The following RTF2 variants were observed in gnomAD, a reference collection of about 807,000 sequenced individuals.
The protein encoded by RTF2 is replication termination factor 2, also known as UPF0549 protein C20orf43.
In RTF2, 18 loss-of-function variants were observed where a neutral mutation model predicts 38.0. The observed-to-expected ratio is 0.47, with a 90% CI of 0.33 to 0.70. RTF2 has a LOEUF of 0.70. RTF2 is among the 30% of genes least tolerant of loss of function. RTF2 has a pLI of 0.02. For missense variants in RTF2, 311 were observed against 379.6 expected, an observed-to-expected ratio of 0.82 and a Z score of 1.50; for synonymous variants, 126 against 137.1, an observed-to-expected ratio of 0.92 and a Z score of 0.57.
Position 56,468,652 on chromosome 20 carries a change from G to A in RTF2, c.-46G>A. 3.3e-6 allele frequency: 5 copies of A among 1,526,924 alleles called. No homozygotes were observed. Among genetic ancestry groups the A allele is most frequent in the Non-Finnish European group, 4.4e-6 (5 of 1,124,944 alleles). The allele number at this position is 1,526,924 out of a possible 1,614,324, so 94.6% of individuals were successfully genotyped here. ...GCGGATTTCGCCGGAAATCCCGGAA[G>A]TGACAGCTTTGGGGGTTTGCTGCTG... On this transcript the variant is annotated 5_prime_UTR_variant, in exon 1 of 9. In the 5' UTR this introduces an upstream ATG that the reference lacks. Transcript: ENST00000357348.
rs573408126 is a variant in RTF2 at position 56,501,807 on chromosome 20, G to A, written c.478-11508G>A. Among the ~76,000 whole-genome samples, 4 of 152,270 alleles carry A rather than the reference G, an allele frequency of 2.6e-5. No individual in the cohort carries two copies. In the South Asian group the frequency reaches 6.2e-4, roughly 24 times the overall value. On this transcript the variant is annotated intron_variant, in intron 5 of 8. Coordinates refer to ENST00000357348, the MANE Select transcript of RTF2 (RefSeq NM_016407.5). ...CATTTGAGCCAGGGAGGTTGAGGCTGTAGTGAGCCGTGATCATGCCCACTG... is the reference window on the plus strand; with the variant it reads ...CATTTGAGCCAGGGAGGTTGAGGCTATAGTGAGCCGTGATCATGCCCACTG...
intron 5 of RTF2, chr20:56,491,635 C>A: frequency 6.4e-7 from 1 of 1,551,976 alleles, no homozygotes. Context: ...CTGCCTGCCT[C>A]AGCACTTGAA....
At chr20:56,512,145 T>G (rs896842646) in intron 5 of RTF2, among the ~76,000 whole-genome samples, 1 of 151,748 alleles carries the variant, frequency 6.6e-6, no homozygotes, top group Admixed American at 6.6e-5. Context: ...CCGCGCCCAG[T>G]CTTAGACCCC....
At chr20:56,479,336 C>T (rs1021346419) in intron 4 of RTF2, among the ~76,000 whole-genome samples, 2 of 152,276 alleles carry the variant, frequency 1.3e-5, no homozygotes, top group Non-Finnish European at 1.5e-5. Flanking sequence ...AGTAATTCTG[C>T]TGCCTCAGCG....
chr20:56,500,538 T>C (rs1457439207), intron 5 of RTF2, among the ~76,000 whole-genome samples: 3 of 152,330 alleles, frequency 2.0e-5, no homozygotes, highest in African/African-American at 7.2e-5. Context: ...GTAGCCATTG[T>C]CCTTTGGGAA....
intron 5 of RTF2, among the ~76,000 whole-genome samples, chr20:56,511,660 A>G (rs1269729993): frequency 6.6e-6 from 1 of 152,040 alleles, no homozygotes; most frequent in African/African-American, 2.4e-5. Flanking sequence ...TGTGTACTGT[A>G]TGATGCTTGC....
At chr20:56,480,125 G>T (rs1982458334) in intron 4 of RTF2, among the ~76,000 whole-genome samples, 1 of 152,108 alleles carries the variant, frequency 6.6e-6, no homozygotes, top group African/African-American at 2.4e-5. Flanking sequence ...TTTCAACACA[G>T]GGCTATTTTA....
chr20:56,478,042 T>A (rs932484982), intron 4 of RTF2, among the ~76,000 whole-genome samples: 1 of 152,220 alleles, frequency 6.6e-6, no homozygotes, highest in Non-Finnish European at 1.5e-5. Context: ...TCATAGGATG[T>A]CTCACTAAGC....
At chr20:56,500,303 C>T (rs1038774291) in intron 5 of RTF2, among the ~76,000 whole-genome samples, 2 of 152,218 alleles carry the variant, frequency 1.3e-5, no homozygotes, top group South Asian at 2.1e-4. Flanking sequence ...ATCCACCTGC[C>T]TCAGCCTCCC....
intron 5 of RTF2, among the ~76,000 whole-genome samples, chr20:56,490,320 C>T (rs1318955444): frequency 6.6e-6 from 1 of 152,220 alleles, no homozygotes; most frequent in East Asian, 1.9e-4. Context: ...TTGTCACGCA[C>T]TTCAGTTTCA....
intron 5 of RTF2, among the ~76,000 whole-genome samples, chr20:56,492,495 G>A (rs1020556706): frequency 2.7e-5 from 4 of 150,864 alleles, no homozygotes; most frequent in Middle Eastern, 3.4e-3. Context: ...CGAGGCGGGA[G>A]AATGACTTGA....
At chr20:56,485,298 A>G (rs1982734844) in intron 5 of RTF2, among the ~76,000 whole-genome samples, 2 of 152,230 alleles carry the variant, frequency 1.3e-5, no homozygotes, top group South Asian at 2.1e-4. Context: ...CAGCATGTGC[A>G]AAAGCTCAGA....
At chr20:56,513,066 C>A (rs1984787315) in intron 5 of RTF2, among the ~76,000 whole-genome samples, 4 of 152,180 alleles carry the variant, frequency 2.6e-5, no homozygotes, top group Admixed American at 2.6e-4. Context: ...TGGCGGGAAC[C>A]CTCCCAAAAT....
intron 5 of RTF2, among the ~76,000 whole-genome samples, chr20:56,490,467 T>C (rs914928418): frequency 1.3e-5 from 2 of 152,220 alleles, no homozygotes; most frequent in Non-Finnish European, 2.9e-5. Context: ...TGGCCATTCA[T>C]GTCTCAGATC....
intron 1 of RTF2, 29 bp from the exon 2 acceptor site, chr20:56,473,272 A>G (rs771545577): frequency 6.6e-7 from 1 of 1,513,434 alleles, no homozygotes; most frequent in South Asian, 1.1e-5. Context: ...CAGAGTTGAA[A>G]ATTAATTGAA....
chr20:56,490,959 A>G (rs1983088186), intron 5 of RTF2, among the ~76,000 whole-genome samples: 1 of 152,232 alleles, frequency 6.6e-6, no homozygotes, highest in South Asian at 2.1e-4. Flanking sequence ...TCAGCTGTGG[A>G]ATGTCCACCA....
intron 5 of RTF2, among the ~76,000 whole-genome samples, chr20:56,510,039 A>G (rs1217866533): frequency 1.3e-5 from 2 of 152,098 alleles, no homozygotes; most frequent in African/African-American, 4.8e-5. Context: ...AAATGTCCAG[A>G]AGAGGCAAAT....
intron 5 of RTF2, 152 bp downstream of exon 5, chr20:56,484,341 C>A: frequency 4.5e-6 from 3 of 669,708 alleles, no homozygotes; most frequent in Non-Finnish European, 7.9e-6. Context: ...AGTGCAGAAT[C>A]CACTGGCCTC....
In RTF2 at chr20:56,516,963, C is replaced by G; in HGVS notation, c.620C>G (p.Ser207Cys). 6.2e-7 allele frequency: 1 copy of G among 1,614,184 alleles called. No homozygotes were observed. Among genetic ancestry groups the G allele is most frequent in the Non-Finnish European group, 8.5e-7 (1 of 1,179,990 alleles). Residue 207 changes from serine to cysteine, a missense_variant, in exon 7 of 9, where the codon TCT becomes TGT. Transcript: ENST00000357348. The stretch of plus-strand genomic sequence containing the variant: ...ACAAAGAAACCCAAGGCAGCAGAGT[C>G]TGTTTCAAAACCAGATGTCAGTGAA... ...KKTKKPKAAESVSKPDVSEEA... is the reference protein window; with the variant it reads ...KKTKKPKAAECVSKPDVSEEA...
Sources: gnomAD v4.1 joint callset for allele counts (sites outside exome capture counted in the v4.1 genomes callset) on GRCh38, gnomAD v4.1.1 for gene constraint, MANE v1.5 for transcripts, NCBI Gene and HGNC (gene_info 2026-07-23, HGNC 2026-07-21) for gene names.